Variants in DOCK1 observed in about 807,000 individuals in gnomAD.
DOCK1 encodes the protein dedicator of cytokinesis 1, also known as dedicator of cytokinesis protein 1.
DOCK1 carries 138 observed loss-of-function variants against 262.7 expected under a neutral mutation model. The ratio of observed to expected loss-of-function variants is 0.53; its 90% CI spans 0.46 to 0.61. DOCK1 has a LOEUF of 0.61. Ranked by LOEUF, DOCK1 falls within the 20% of genes least tolerant of loss-of-function variation. The probability of loss-of-function intolerance (pLI) is 0.00; values close to 1 mark genes in which losing one functional copy is unlikely to be tolerated. For missense variants in DOCK1, 1,908 were observed against 2,370.7 expected, an observed-to-expected ratio of 0.80 and a Z score of 4.05; for synonymous variants, 866 against 867.4, an observed-to-expected ratio of 1.00 and a Z score of 0.03.
At chr10:127,037,907 G>A in intron 19 of DOCK1, 91 bp downstream of exon 19, 2 of 1,038,390 alleles carry the variant, frequency 1.9e-6, no homozygotes, top group Non-Finnish European at 2.7e-6. Context: ...TTCAAAGGTA[G>A]TATAGGATTG....
At chr10:127,401,494 T>C (rs2067220999) in intron 38 of DOCK1, among the ~76,000 whole-genome samples, 1 of 152,154 alleles carries the variant, frequency 6.6e-6, no homozygotes, top group African/African-American at 2.4e-5. Flanking sequence ...GACTTAGGGT[T>C]TGATATGCTG....
rs546916150 is a variant in DOCK1, at chr10:127,099,254, A to C, written c.2446-6977A>C. ...GGAGTCATGGAGGGTCGACTTCCCAATGTCCTCTGTGAGGACAGAAGGAGA... is the reference window on the plus strand; with the variant it reads ...GGAGTCATGGAGGGTCGACTTCCCACTGTCCTCTGTGAGGACAGAAGGAGA... On this transcript the variant is annotated intron_variant, in intron 23 of 51. Transcript: ENST00000623213. Among the ~76,000 whole-genome samples, 5 of 152,320 alleles carry C rather than the reference A, an allele frequency of 3.3e-5. No individual in the cohort carries two copies. In the East Asian group the frequency reaches 5.8e-4, roughly 18 times the overall value.
At chr10:127,410,262 A>T (rs2067765018) in intron 42 of DOCK1, among the ~76,000 whole-genome samples, 1 of 152,196 alleles carries the variant, frequency 6.6e-6, no homozygotes, top group Admixed American at 6.5e-5. Flanking sequence ...CAGAGGCCTT[A>T]AGCAAATAGT....
chr10:126,950,419 T>G (rs1258062150), intron 1 of DOCK1, among the ~76,000 whole-genome samples: 1 of 152,082 alleles, frequency 6.6e-6, no homozygotes, highest in Non-Finnish European at 1.5e-5. Flanking sequence ...GTAAAGGCTC[T>G]CTCTCCTTTA....
chr10:127,312,634 C>G (rs975874635), intron 29 of DOCK1, among the ~76,000 whole-genome samples: 1 of 152,182 alleles, frequency 6.6e-6, no homozygotes, highest in Non-Finnish European at 1.5e-5. Flanking sequence ...AAATGTCTTA[C>G]GGGCTCATCC....
chr10:127,027,065 CTCTT>C (rs1000119199), intron 16 of DOCK1, among the ~76,000 whole-genome samples: 31 of 152,230 alleles, frequency 2.0e-4, no homozygotes, highest in Non-Finnish European at 1.6e-4. Flanking sequence ...GGGTGTGTGT[CTCTT>C]TGGCATTGGG....
At chr10:127,001,458 C>T (rs1369946740) in intron 10 of DOCK1, 1 of 152,194 alleles carries the variant, frequency 6.6e-6, no homozygotes, top group Non-Finnish European at 1.5e-5. Context: ...CGCATTGACA[C>T]ATCGTCGCCC....
rs549928166 is a variant in DOCK1, at chr10:127,293,143, A to C, written c.3044+35714A>C. 2.0e-5 allele frequency among the ~76,000 whole-genome samples: 3 copies of C among 152,274 alleles called. No individual in the cohort carries two copies. The East Asian group carries it at 5.8e-4, about 29-fold the overall frequency. ...GGAGGACTCATACATGATCCTGGGAAGAGCGCTGCTGCTAGCCCAGGGCCA... is the reference window on the plus strand; with the variant it reads ...GGAGGACTCATACATGATCCTGGGACGAGCGCTGCTGCTAGCCCAGGGCCA... On this transcript the variant is annotated intron_variant, in intron 29 of 51. Transcript: ENST00000623213.
chr10:126,942,857 G>T (rs965112666), intron 1 of DOCK1, among the ~76,000 whole-genome samples: 1 of 152,110 alleles, frequency 6.6e-6, no homozygotes, highest in Admixed American at 6.5e-5. Flanking sequence ...CATGTTTCAT[G>T]ACCTCAGTAT....
chr10:127,384,025 A>G (rs889411716), intron 37 of DOCK1, among the ~76,000 whole-genome samples: 2 of 152,082 alleles, frequency 1.3e-5, no homozygotes, highest in African/African-American at 4.8e-5. Flanking sequence ...TCTCTAATGT[A>G]GAATCGCACC....
At chr10:127,192,313 G>T (rs2056814434) in intron 27 of DOCK1, among the ~76,000 whole-genome samples, 1 of 152,130 alleles carries the variant, frequency 6.6e-6, no homozygotes, top group South Asian at 2.1e-4. Flanking sequence ...GAAATATGTT[G>T]TTAGCCAAAA....
chr10:127,131,277 G>T (rs987436498), intron 27 of DOCK1, among the ~76,000 whole-genome samples: 2 of 152,124 alleles, frequency 1.3e-5, no homozygotes, highest in Non-Finnish European at 1.5e-5. Flanking sequence ...ATCCTCCACA[G>T]CCCTGATCTT....
At chr10:127,272,208 G>T (rs2060594178) in intron 29 of DOCK1, 1 of 152,208 alleles carries the variant, frequency 6.6e-6, no homozygotes, top group Admixed American at 6.5e-5. Flanking sequence ...AATATTTTGT[G>T]TTATTCGCGT....
At chr10:127,152,700 G>A (rs1455204895) in intron 27 of DOCK1, among the ~76,000 whole-genome samples, 2 of 152,330 alleles carry the variant, frequency 1.3e-5, no homozygotes, top group Middle Eastern at 3.4e-3. Flanking sequence ...CCTCAGTTGT[G>A]GCAACTGAAA....
At chr10:126,945,127 G>C (rs945633823) in intron 1 of DOCK1, among the ~76,000 whole-genome samples, 1 of 152,110 alleles carries the variant, frequency 6.6e-6, no homozygotes, top group African/African-American at 2.4e-5. Context: ...GTGAGCCACC[G>C]TGCCTGGCCA....
intron 23 of DOCK1, among the ~76,000 whole-genome samples, chr10:127,098,422 C>T (rs987875793): frequency 6.6e-6 from 1 of 152,146 alleles, no homozygotes. Context: ...TGCATGGGTC[C>T]ACACGCTGTC....
chr10:127,433,609 C>T (rs774482118), intron 48 of DOCK1, among the ~76,000 whole-genome samples, 181 bp downstream of exon 48: 13 of 151,956 alleles, frequency 8.6e-5, no homozygotes, highest in Non-Finnish European at 1.0e-4. Flanking sequence ...ACTTTGAGGT[C>T]GTGTGAGTTG....
rs368655130 is a variant in DOCK1, at chr10:127,384,772, G to C, written c.3808-18G>C. On this transcript the variant is annotated intron_variant, in intron 37 of 51. Coordinates refer to ENST00000623213, the MANE Select transcript of DOCK1 (RefSeq NM_001290223.2). ...GTGTTTCCGCCTCGGGTCCGCTCAT[G>C]CTATGCTTCTCCCTTAGTGGTCGGA... The C allele has an allele frequency of 1.2e-4, 188 of 1,551,276 alleles. No homozygotes were observed. Among genetic ancestry groups the C allele is most frequent in the Non-Finnish European group, 1.5e-4 (175 of 1,154,912 alleles).
intron 1 of DOCK1, among the ~76,000 whole-genome samples, chr10:126,964,756 A>G (rs1476567040): frequency 1.3e-5 from 2 of 152,196 alleles, no homozygotes; most frequent in Admixed American, 6.5e-5. Flanking sequence ...GAGGCTATGG[A>G]CCTGAGCACT....
Sources: allele counts gnomAD v4.1 joint callset (sites outside exome capture counted in the v4.1 genomes callset), GRCh38; gene constraint gnomAD v4.1.1; transcripts MANE v1.5; gene names NCBI Gene and HGNC (gene_info 2026-07-23, HGNC 2026-07-21).